Variants in BBS2 observed in about 807,000 individuals in gnomAD.
BBS2 encodes BBSome complex member BBS2.
Under a neutral mutation model 83.0 loss-of-function variants are expected in BBS2, and 62 were observed. That is an observed-to-expected ratio of 0.75 (90% CI 0.61 to 0.92). BBS2 has a LOEUF of 0.92. Ranked by LOEUF, BBS2 falls within the 40% of genes least tolerant of loss-of-function variation. The pLI, the probability that BBS2 is intolerant of heterozygous loss-of-function variation, is 0.00. For synonymous variants in BBS2, 303 were observed against 326.1 expected (o/e 0.93, Z 0.76); for missense variants, 784 against 901.0 (o/e 0.87, Z 1.66).
chr16:56,480,884 T>C (rs1030908893), downstream of BBS2, among the ~76,000 whole-genome samples: 4 of 152,266 alleles, frequency 2.6e-5, no homozygotes, highest in East Asian at 1.9e-4. Context: ...TAAAAACGAC[T>C]TGGGAACTGT....
intron 4 of BBS2, 77 bp downstream of exon 4, chr16:56,510,782 T>C: frequency 6.7e-7 from 1 of 1,489,724 alleles, no homozygotes; most frequent in Non-Finnish European, 9.4e-7. Flanking sequence ...CTTACACTTC[T>C]GTCAACACTA....
chr16:56,479,063 T>C (rs1346695092), intron 17 of BBS2: 2 of 151,980 alleles, frequency 1.3e-5, no homozygotes, highest in African/African-American at 4.8e-5. Context: ...GCATCTTTTT[T>C]ATACCTCTTT....
intron 16 of BBS2, 129 bp from the exon 17 acceptor site, chr16:56,484,996 A>G: frequency 1.3e-6 from 1 of 740,942 alleles, no homozygotes; most frequent in Non-Finnish European, 2.3e-6. Context: ...TTATCTTACC[A>G]TTCCCTAAAA....
chr16:56,506,769 G>A (rs1017279584), intron 5 of BBS2, among the ~76,000 whole-genome samples: 8 of 152,122 alleles, frequency 5.3e-5, no homozygotes, highest in Admixed American at 3.9e-4. Context: ...ACCCAGGCAC[G>A]TGGATTTGTG....
intron 1 of BBS2, among the ~76,000 whole-genome samples, chr16:56,518,180 C>A (rs1964805761): frequency 6.6e-6 from 1 of 152,166 alleles, no homozygotes. Context: ...GTATTAATAG[C>A]TTAACTCTGT....
intron 8 of BBS2, 23 bp downstream of exon 8, chr16:56,502,650 G>T (rs745981400): frequency 3.1e-6 from 5 of 1,613,954 alleles, no homozygotes; most frequent in Non-Finnish European, 4.2e-6. Flanking sequence ...GACTTTTTAA[G>T]GATTTTTCTC....
intron 15 of BBS2, among the ~76,000 whole-genome samples, chr16:56,491,828 T>A (rs1597007633): frequency 1.4e-5 from 2 of 147,114 alleles, no homozygotes; most frequent in East Asian, 4.0e-4. Flanking sequence ...CCGACAGGTA[T>A]ATAAAAAGAC....
At chr16:56,515,907 G>C (rs1964730918) in intron 1 of BBS2, among the ~76,000 whole-genome samples, 1 of 152,136 alleles carries the variant, frequency 6.6e-6, no homozygotes, top group Non-Finnish European at 1.5e-5. Flanking sequence ...ACAAGAGCCT[G>C]GTGTGCTCCA....
Position 56,503,702 on chromosome 16 carries a change from G to A in BBS2, c.805-894C>T, listed in dbSNP as rs189656001. Among the ~76,000 whole-genome samples the A allele has an allele frequency of 3.6e-3, 552 of 152,252 alleles. 3 individuals carry two copies. Among genetic ancestry groups the A allele is most frequent in the Non-Finnish European group, 6.2e-3 (423 of 68,000 alleles). The stretch of plus-strand genomic sequence containing the variant: ...TGTGAGGCCGAGGCAGGCGGATCAC[G>A]AGGTCAGGAAATCGAGACCATTCTG... On this transcript the variant is annotated intron_variant, in intron 7 of 16. Coordinates refer to ENST00000245157, the MANE Select transcript of BBS2 (RefSeq NM_031885.5).
intron 15 of BBS2, among the ~76,000 whole-genome samples, chr16:56,491,104 C>T (rs1337356508): frequency 6.6e-6 from 1 of 152,130 alleles, no homozygotes; most frequent in Non-Finnish European, 1.5e-5. Flanking sequence ...AGGGAAAACC[C>T]AAATGACAAA....
At chr16:56,484,165 C>A (rs1430313751), downstream of BBS2, among the ~76,000 whole-genome samples, 1 of 151,900 alleles carries the variant, frequency 6.6e-6, no homozygotes, top group Admixed American at 6.6e-5. Flanking sequence ...TGCCACCATG[C>A]CCAGCTAATT....
At chr16:56,498,246 CT>C (rs1250743154) in intron 13 of BBS2, among the ~76,000 whole-genome samples, 190 bp downstream of exon 13, 1 of 152,066 alleles carries the variant, frequency 6.6e-6, no homozygotes, top group South Asian at 2.1e-4. Context: ...CACTAACAGA[CT>C]AAGTTAAACC....
chr16:56,500,072 A>G (rs1439990930), intron 11 of BBS2, 165 bp from the exon 12 acceptor site: 2 of 723,886 alleles, frequency 2.8e-6, no homozygotes, highest in Non-Finnish European at 4.7e-6. Context: ...CTACAGTAAT[A>G]TATTAGGTTT....
intron 1 of BBS2, among the ~76,000 whole-genome samples, chr16:56,517,135 C>G (rs1964772469): frequency 6.6e-6 from 1 of 152,168 alleles, no homozygotes; most frequent in Non-Finnish European, 1.5e-5. Flanking sequence ...ACTCCGACAC[C>G]TACCTCCCTA....
At position 56,498,506 on chromosome 16, in the gene BBS2, T is replaced by A. The variant is rs1296939877; in HGVS notation, c.1590A>T (p.Pro530=). The change falls in exon 13 of 17, where the codon CCA becomes CCT. Residue 530 remains proline, a synonymous_variant. Coordinates refer to ENST00000245157, the MANE Select transcript of BBS2 (RefSeq NM_031885.5). ...GTAAAGATGTGAAACACACTTGAAA[T>A]GGAGCATTCTGAATGTGAGTGTCTT... is the stretch of plus-strand genomic sequence containing the variant. ...LPEDTHIQNA[P]FQVCFTSLRN... 1.2e-6 allele frequency: 2 copies of A among 1,613,996 alleles called. No individual in the cohort carries two copies. The highest frequency in any genetic ancestry group is 1.7e-6 in the Non-Finnish European group (2 of 1,180,024).
intron 11 of BBS2, chr16:56,500,624 CAAAAAAAAAA>C (rs1304358431): frequency 6.8e-6 from 2 of 294,846 alleles, no homozygotes; most frequent in Non-Finnish European, 1.2e-5. Context: ...GAATCTGTCT[CAAAAAAAAAA>C]AAAAAAAAAG....
intron 17 of BBS2, chr16:56,474,957 G>A: frequency 6.2e-7 from 1 of 1,613,256 alleles, no homozygotes; most frequent in Non-Finnish European, 8.5e-7. Context: ...GAAGGTAAGA[G>A]GGAGGAAAGC....
chr16:56,488,223 T>G (rs1230654727), intron 15 of BBS2, among the ~76,000 whole-genome samples: 1 of 152,152 alleles, frequency 6.6e-6, no homozygotes, highest in Admixed American at 6.5e-5. Context: ...CAATCAGTTC[T>G]ATAGCAGACA....
At chr16:56,497,981 C>CATAT in intron 13 of BBS2, 101 bp from the exon 14 acceptor site, 10 of 1,150,576 alleles carry the variant, frequency 8.7e-6, no homozygotes, top group Non-Finnish European at 1.3e-5. Flanking sequence ...AATTATTGTG[C>CATAT]ATATATATAT....
Sources: allele counts gnomAD v4.1 joint callset (sites outside exome capture counted in the v4.1 genomes callset), GRCh38; gene constraint gnomAD v4.1.1; transcripts MANE v1.5; gene names NCBI Gene and HGNC (gene_info 2026-07-23, HGNC 2026-07-21).